The following ZNF737 variants were observed in gnomAD, a reference collection of about 807,000 sequenced individuals.
ZNF737 encodes zinc finger protein 102 (Y3).
In ZNF737, 13 loss-of-function variants were observed where a neutral mutation model predicts 11.7. That is an observed-to-expected ratio of 1.11 (90% CI 0.73 to 1.77). The LOEUF (loss-of-function observed/expected upper bound fraction) is 1.77. ZNF737 is among the 40% of genes most tolerant of loss of function. ZNF737 has a pLI of 0.00. For missense variants in ZNF737, 636 were observed against 638.0 expected (o/e 1.00, Z 0.03); for synonymous variants, 217 against 216.2 (o/e 1.00, Z -0.03).
chr19:20,539,001 C>T lies in ZNF737; in HGVS notation c.*5591G>A, dbSNP rs1968090299. The stretch of plus-strand genomic sequence containing the variant: ...TACATAATGTGCATTTTCCTGCCTA[C>T]CAAAATTATTCTGGCTGGGAAAAGT... On this transcript the variant is annotated 3_prime_UTR_variant, in exon 4 of 4. Coordinates refer to ENST00000427401, the MANE Select transcript of ZNF737 (RefSeq NM_001159293.2). 2 of 985,174 alleles carry T rather than the reference C, an allele frequency of 2.0e-6. No individual in the cohort carries two copies. The highest frequency in any genetic ancestry group is 4.7e-5 in the South Asian group (1 of 21,276). 61.0% of individuals were successfully genotyped at this position (985,174 alleles called of 1,614,324 possible).
chr19:20,545,796 T>C lies in ZNF737; in HGVS notation c.407A>G (p.Tyr136Cys). ...TATTTTGCTTTGAGTAGTTGTCAAA[T>C]ATTGGTTAAGTCCATTATAACCTCT... is the stretch of plus-strand genomic sequence containing the variant. ...HKRGYNGLNQ[Y>C]LTTTQSKIFQ... The change falls in exon 4 of 4, where the codon TAT becomes TGT. Residue 136 changes from tyrosine (Y) to cysteine (C), a missense_variant. Physicochemically the swap from Tyr to Cys is radical, Grantham distance 194. Transcript: ENST00000427401. The C allele has an allele frequency of 6.2e-7, 1 of 1,613,158 alleles. No individual in the cohort carries two copies. Among genetic ancestry groups the C allele is most frequent in the Non-Finnish European group, 8.5e-7 (1 of 1,179,678 alleles).
intron 1 of ZNF737, among the ~76,000 whole-genome samples, chr19:20,557,659 C>G (rs563614039): frequency 6.9e-4 from 103 of 150,016 alleles, no homozygotes; most frequent in African/African-American, 2.3e-3. Flanking sequence ...CTCTGTCACA[C>G]AGGCTGGTGT....
At chr19:20,536,283 A>G (rs1255783981), downstream of ZNF737, 8 of 175,708 alleles carry the variant, frequency 4.6e-5, no homozygotes, top group Non-Finnish European at 7.8e-5. Context: ...AAATTGTTCT[A>G]AATAAGAATA....
chr19:20,545,022 T>A lies in ZNF737; in HGVS notation c.1181A>T (p.Glu394Val), dbSNP rs1555756374. The A allele has an allele frequency of 3.1e-6, 5 of 1,613,908 alleles. No individual in the cohort carries two copies. The South Asian group carries it at 4.4e-5, about 14-fold the overall frequency. The change falls in exon 4 of 4, where the codon GAG becomes GTG. Residue 394 changes from glutamate (E) to valine (V), a missense_variant. Physicochemically the swap from Glu to Val is moderately radical, Grantham distance 121. Transcript: ENST00000427401. ...ACATTCTTCACATTTGTAGGGTTTC[T>A]CTCCAGTATGAATTCTCTTATGTGT... ...LTTHKRIHTG[E>V]KPYKCEECGE...
At chr19:20,535,288 AAAC>A (rs1967930036), downstream of ZNF737, among the ~76,000 whole-genome samples, 1 of 152,120 alleles carries the variant, frequency 6.6e-6, no homozygotes, top group Non-Finnish European at 1.5e-5. Flanking sequence ...AAACAAAACA[AAAC>A]AACAACAAAA....
chr19:20,543,971 TA>T lies in ZNF737; in HGVS notation c.*620del. 2 of 651,492 alleles carry T rather than the reference TA, an allele frequency of 3.1e-6. No individual in the cohort carries two copies. Among genetic ancestry groups the T allele is most frequent in the Non-Finnish European group, 3.8e-6 (2 of 526,104 alleles). The allele number at this position is 651,492 out of a possible 1,614,324, so 40.4% of individuals were successfully genotyped here. ...GGCGAAGTCGCATCTCTACTAAAAA[TA>T]AAAAAATTAGCTGGGCATGTTGGAG... On this transcript the variant is annotated 3_prime_UTR_variant, in exon 4 of 4. Coordinates refer to ENST00000427401, the MANE Select transcript of ZNF737 (RefSeq NM_001159293.2).
At position 20,544,810 on chromosome 19, in the gene ZNF737, A is replaced by C. The variant is rs782628243; in HGVS notation, c.1393T>G (p.Ser465Ala). ...CEECGKAFNS[S>A]SHLTAHKRIH... ...CTCTTATGTGCAGTAAGGTGTGAGG[A>C]CGAGTTGAAGGCTTTGCCACATTCT... Residue 465 changes from serine (S) to alanine (A), a missense_variant, in exon 4 of 4, where the codon TCC becomes GCC. Ser to Ala is a moderately conservative substitution (Grantham distance 99). Transcript: ENST00000427401. The C allele has an allele frequency of 1.2e-6, 2 of 1,609,564 alleles. No individual in the cohort carries two copies. Among genetic ancestry groups the C allele is most frequent in the South Asian group, 2.2e-5 (2 of 90,444 alleles).
rs1306335987 is a variant in ZNF737, at chr19:20,539,212, C to T, written c.*5380G>A. 2 of 747,754 alleles carry T rather than the reference C, an allele frequency of 2.7e-6. No homozygotes were observed. The highest frequency in any genetic ancestry group is 3.8e-5 in the African/African-American group (2 of 52,218). 46.3% of individuals were successfully genotyped at this position (747,754 alleles called of 1,614,324 possible). On this transcript the variant is annotated 3_prime_UTR_variant, in exon 4 of 4. Transcript: ENST00000427401. ...GGCTGAGGCGGAAGAATCACTTGAA[C>T]CAGGGAGGTGGAGGTTGCAGTGAGC...
chr19:20,555,464 G>A (rs1417952769), intron 1 of ZNF737, among the ~76,000 whole-genome samples: 2 of 152,188 alleles, frequency 1.3e-5, no homozygotes, highest in Admixed American at 1.3e-4. Context: ...TTACAGGCAT[G>A]AGCCACTGCA....
In ZNF737 at chr19:20,543,951, A is replaced by G. The variant is rs1177164378; in HGVS notation, c.*641T>C. The stretch of plus-strand genomic sequence containing the variant: ...GAGACCAGCCTGGCAAACATGGCGA[A>G]GTCGCATCTCTACTAAAAATAAAAA... On this transcript the variant is annotated 3_prime_UTR_variant, in exon 4 of 4. Transcript: ENST00000427401. 6 of 689,368 alleles carry G rather than the reference A, an allele frequency of 8.7e-6. No homozygotes were observed. Among genetic ancestry groups the G allele is most frequent in the African/African-American group, 7.8e-5 (4 of 51,080 alleles). The allele number at this position is 689,368 out of a possible 1,614,324, so 42.7% of individuals were successfully genotyped here.
chr19:20,542,153 C>A lies in ZNF737; in HGVS notation c.*2439G>T. 4.1e-6 allele frequency: 4 copies of A among 984,552 alleles called. No homozygotes were observed. In the South Asian group the frequency reaches 1.9e-4, roughly 46 times the overall value. 61.0% of individuals were successfully genotyped at this position (984,552 alleles called of 1,614,324 possible). On this transcript the variant is annotated 3_prime_UTR_variant, in exon 4 of 4. Transcript: ENST00000427401. ...GTAAAGTGGGATACAGTTAGTGGCA[C>A]AATAATGGTTCATTAAACGCACGGT...
chr19:20,535,368 C>G (rs1555753618), downstream of ZNF737, among the ~76,000 whole-genome samples: 2 of 151,972 alleles, frequency 1.3e-5, no homozygotes, highest in Non-Finnish European at 2.9e-5. Flanking sequence ...AAGTGTTCAC[C>G]AATAGGTGAA....
chr19:20,560,675 G>A (rs1969057841), intron 1 of ZNF737, among the ~76,000 whole-genome samples: 1 of 152,028 alleles, frequency 6.6e-6, no homozygotes. Flanking sequence ...AGCTACTCAG[G>A]AGGCTGAGGC....
At chr19:20,549,877 C>G (rs1968602200) in intron 3 of ZNF737, among the ~76,000 whole-genome samples, 1 of 149,776 alleles carries the variant, frequency 6.7e-6, no homozygotes, top group Non-Finnish European at 1.5e-5. Flanking sequence ...TTGCAGTGAG[C>G]CAAGATCATA....
chr19:20,559,454 T>G (rs1555761880), intron 1 of ZNF737, among the ~76,000 whole-genome samples: 2 of 148,114 alleles, frequency 1.4e-5, no homozygotes, highest in African/African-American at 5.0e-5. Flanking sequence ...CGGGAGAAAT[T>G]AAAAGAAAAA....
Position 20,565,691 on chromosome 19 carries a change from C to T in ZNF737, c.-51G>A. The T allele has an allele frequency of 6.2e-7, 1 of 1,613,810 alleles. No homozygotes were observed. The highest frequency in any genetic ancestry group is 8.5e-7 in the Non-Finnish European group (1 of 1,179,728). On this transcript the variant is annotated 5_prime_UTR_variant, in exon 1 of 4. Transcript: ENST00000427401. ...CGTCTTAGCTGTGGATCTCCCAATA[C>T]CTGCAGGACACAGGGCCACAGAGGC... is the stretch of plus-strand genomic sequence containing the variant.
downstream of ZNF737, among the ~76,000 whole-genome samples, chr19:20,537,069 C>T (rs565435992): frequency 6.6e-5 from 10 of 152,094 alleles, no homozygotes; most frequent in Non-Finnish European, 1.3e-4. Flanking sequence ...TAACACTGCA[C>T]TCCAGCCTGG....
rs1351787586 is a variant in ZNF737, at chr19:20,541,378, C to A, written c.*3214G>T. The A allele has an allele frequency of 8.1e-6, 8 of 983,648 alleles. No homozygotes were observed. In the Admixed American group the frequency reaches 4.3e-4, roughly 53 times the overall value. The allele number at this position is 983,648 out of a possible 1,614,324, so 60.9% of individuals were successfully genotyped here. On this transcript the variant is annotated 3_prime_UTR_variant, in exon 4 of 4. Transcript: ENST00000427401. ...AAGTCTATGTGTTTGCAGGCAGAGA[C>A]CACATGTTCAAGGAAAACTATATTA...
At chr19:20,560,729 G>A (rs1189894196) in intron 1 of ZNF737, among the ~76,000 whole-genome samples, 2 of 149,976 alleles carry the variant, frequency 1.3e-5, no homozygotes, top group Admixed American at 6.6e-5. Flanking sequence ...GTGGTGAGCC[G>A]AGATCACACC....
Sources: gnomAD v4.1 joint callset for allele counts (sites outside exome capture counted in the v4.1 genomes callset) on GRCh38, gnomAD v4.1.1 for gene constraint, MANE v1.5 for transcripts, NCBI Gene and HGNC (gene_info 2026-07-23, HGNC 2026-07-21) for gene names.